The following MYH15 variants were observed in gnomAD, a reference collection of about 807,000 sequenced individuals.
The protein encoded by MYH15 is myosin heavy chain 15.
MYH15 carries 227 observed loss-of-function variants against 240.5 expected under a neutral mutation model. The ratio of observed to expected loss-of-function variants is 0.94; its 90% CI spans 0.85 to 1.05. MYH15 has a LOEUF of 1.05. Among genes scored for constraint, MYH15 ranks in the 50% least tolerant of loss-of-function variants. The pLI is 0.00. For missense variants in MYH15, 2,217 were observed against 2,247.5 expected (o/e 0.99, Z 0.27); for synonymous variants, 785 against 796.7 (o/e 0.99, Z 0.25).
At chr3:108,509,304 T>C (rs894435024) in intron 1 of MYH15, among the ~76,000 whole-genome samples, 7 of 152,228 alleles carry the variant, frequency 4.6e-5, no homozygotes, top group African/African-American at 1.7e-4. Context: ...AATAAATGCA[T>C]CATCCAATTA....
intron 1 of MYH15, among the ~76,000 whole-genome samples, chr3:108,527,171 C>A (rs575488983): frequency 6.6e-6 from 1 of 152,142 alleles, no homozygotes; most frequent in African/African-American, 2.4e-5. Context: ...GTTGATGCTA[C>A]TTGTCTGGGG....
At chr3:108,442,583 C>T (rs981329306) in intron 22 of MYH15, among the ~76,000 whole-genome samples, 1 of 152,086 alleles carries the variant, frequency 6.6e-6, no homozygotes, top group Non-Finnish European at 1.5e-5. Context: ...ACAGTCCAAT[C>T]GACCATCATT....
Position 108,398,618 on chromosome 3 carries a change from G to A in MYH15, c.5133+19C>T. The A allele has an allele frequency of 5.6e-6, 9 of 1,611,050 alleles. No homozygotes were observed. The highest frequency in any genetic ancestry group is 7.6e-6 in the Non-Finnish European group (9 of 1,178,860). On this transcript the variant is annotated intron_variant, in intron 35 of 40. Transcript: ENST00000693548. ...TCAACCAACTGGCCCAGCTAATAGG[G>A]AGAGTATATGGGCCCCACCTGGGTA...
At chr3:108,520,027 T>TA (rs1055156059) in intron 1 of MYH15, among the ~76,000 whole-genome samples, 7 of 152,292 alleles carry the variant, frequency 4.6e-5, no homozygotes, top group South Asian at 2.1e-4. Flanking sequence ...TTCAATTAAA[T>TA]ATAACAATTT....
intron 21 of MYH15, among the ~76,000 whole-genome samples, chr3:108,448,338 T>C (rs1028450457): frequency 3.9e-5 from 6 of 151,990 alleles, no homozygotes; most frequent in Non-Finnish European, 7.4e-5. Context: ...CAAACCCAAC[T>C]ATATGCTGCC....
At chr3:108,460,494 A>C (rs1441857980) in intron 16 of MYH15, 127 bp from the exon 17 acceptor site, 1 of 568,350 alleles carries the variant, frequency 1.8e-6, no homozygotes, top group Non-Finnish European at 2.9e-6. Flanking sequence ...TATCTACCAA[A>C]AGCTTCAAAA....
chr3:108,452,612 G>A (rs2082983603), intron 21 of MYH15, among the ~76,000 whole-genome samples: 1 of 152,046 alleles, frequency 6.6e-6, no homozygotes, highest in African/African-American at 2.4e-5. Context: ...CTAAGCACAT[G>A]TAAAATCATG....
At chr3:108,545,694 TACACACAC>T in the MYH15 span, among the ~76,000 whole-genome samples, 31,097 of 149,090 alleles carry the variant, frequency 0.21, 3,780 homozygotes, top group East Asian at 0.48. Flanking sequence ...AATATACACA[TACACACAC>T]ACACACACAC....
intron 1 of MYH15, among the ~76,000 whole-genome samples, chr3:108,523,749 G>C (rs2083642567): frequency 6.6e-6 from 1 of 151,636 alleles, no homozygotes; most frequent in Non-Finnish European, 1.5e-5. Flanking sequence ...TATGTGTTCA[G>C]GTAAACAAAT....
chr3:108,459,017 C>G lies in MYH15; in HGVS notation c.2020+345G>C, dbSNP rs144875346. On this transcript the variant is annotated intron_variant, in intron 18 of 40. Transcript: ENST00000693548. ...ATGCTGAAATATCTACCTTAATCCC[C>G]TAATTGATTATTCAATTCCATTTTT... Among the ~76,000 whole-genome samples the G allele has an allele frequency of 6.7e-3, 1,000 of 149,374 alleles. 9 individuals are homozygous for G. The highest frequency in any genetic ancestry group is 0.02 in the African/African-American group (797 of 40,116).
At chr3:108,428,401 C>T in intron 27 of MYH15, 91 bp downstream of exon 27, 2 of 1,420,878 alleles carry the variant, frequency 1.4e-6, no homozygotes, top group Non-Finnish European at 1.9e-6. Context: ...AGTCACTAAG[C>T]TGGCTTATTT....
At chr3:108,516,045 G>A (rs1483306341) in intron 1 of MYH15, among the ~76,000 whole-genome samples, 1 of 152,148 alleles carries the variant, frequency 6.6e-6, no homozygotes, top group Non-Finnish European at 1.5e-5. Context: ...ATGAGGGGGT[G>A]CAGAAATTCA....
intron 29 of MYH15, among the ~76,000 whole-genome samples, chr3:108,414,924 A>G (rs1184793209): frequency 6.6e-6 from 1 of 152,248 alleles, no homozygotes; most frequent in Non-Finnish European, 1.5e-5. Context: ...ACTGCCCAAC[A>G]GAACTTTCTG....
intron 36 of MYH15, 50 bp downstream of exon 36, chr3:108,393,981 C>T (rs374299927): frequency 3.7e-5 from 60 of 1,611,422 alleles, no homozygotes; most frequent in African/African-American, 1.1e-4. Flanking sequence ...TTGGCCACTG[C>T]GCCAGTGAAC....
intron 35 of MYH15, 107 bp from the exon 36 acceptor site, chr3:108,394,263 TTTA>T (rs1201300026): frequency 1.4e-6 from 2 of 1,402,048 alleles, no homozygotes; most frequent in Admixed American, 1.9e-5. Flanking sequence ...AGAAGCAAAT[TTTA>T]TTATAGTGAG....
At chr3:108,463,735 A>G (rs1005482647) in intron 15 of MYH15, among the ~76,000 whole-genome samples, 3 of 152,184 alleles carry the variant, frequency 2.0e-5, no homozygotes, top group African/African-American at 7.2e-5. Context: ...TGTGCAGCCC[A>G]GAAAGATTCT....
intron 38 of MYH15, among the ~76,000 whole-genome samples, chr3:108,386,039 A>C (rs1308733763): frequency 6.6e-6 from 1 of 152,248 alleles, no homozygotes; most frequent in African/African-American, 2.4e-5. Context: ...GTCTGGTTCA[A>C]ATAAAATCCC....
Position 108,499,596 on chromosome 3 carries a change from T to G in MYH15, c.497-114A>C, listed in dbSNP as rs1437282755. ...TTGAAATCAGACACAAGGGAAAGGA[T>G]TAGCATCATTTATAGTTAGAAAAAC... On this transcript the variant is annotated intron_variant, in intron 4 of 40. Coordinates refer to ENST00000693548, the MANE Select transcript of MYH15 (RefSeq NM_014981.3). The G allele has an allele frequency of 4.0e-6, 4 of 991,260 alleles. No homozygotes were observed. In the African/African-American group the frequency reaches 4.9e-5, roughly 12 times the overall value. The allele number at this position is 991,260 out of a possible 1,614,324, so 61.4% of individuals were successfully genotyped here.
chr3:108,514,049 T>C (rs1008784637), upstream of MYH15, among the ~76,000 whole-genome samples: 1 of 152,198 alleles, frequency 6.6e-6, no homozygotes, highest in Non-Finnish European at 1.5e-5. Context: ...AAGCCCTTAC[T>C]GGGAAGGGAG....
Sources: allele counts gnomAD v4.1 joint callset (sites outside exome capture counted in the v4.1 genomes callset), GRCh38; gene constraint gnomAD v4.1.1; transcripts MANE v1.5; gene names NCBI Gene and HGNC (gene_info 2026-07-23, HGNC 2026-07-21).